Variants in MINDY2 observed in about 807,000 individuals in gnomAD.
MINDY2 encodes the protein MINDY lysine 48 deubiquitinase 2, also known as ubiquitin carboxyl-terminal hydrolase MINDY-2.
MINDY2 carries 52 observed loss-of-function variants against 68.2 expected under a neutral mutation model. The observed-to-expected ratio is 0.76, with a 90% CI of 0.61 to 0.96. The LOEUF is 0.96. MINDY2 is among the 40% of genes least tolerant of loss of function. The pLI is 0.00. For synonymous variants in MINDY2, 372 were observed against 303.0 expected, an observed-to-expected ratio of 1.23 and a Z score of -2.36; for missense variants, 881 against 773.4, an observed-to-expected ratio of 1.14 and a Z score of -1.65.
intron 3 of MINDY2, among the ~76,000 whole-genome samples, chr15:58,803,193 G>C (rs1448798281): frequency 2.0e-5 from 3 of 152,096 alleles, no homozygotes; most frequent in Admixed American, 6.6e-5. Context: ...TTGGCTGGGC[G>C]TGGTGGCTCA....
At chr15:58,786,399 T>G (rs1444695478) in intron 1 of MINDY2, among the ~76,000 whole-genome samples, 1 of 152,226 alleles carries the variant, frequency 6.6e-6, no homozygotes, top group Non-Finnish European at 1.5e-5. Flanking sequence ...TCCTAGTCTA[T>G]AAATATATCC....
Position 58,828,156 on chromosome 15 carries a change from C to CA in MINDY2, c.1226-3604dup, listed in dbSNP as rs779627832. Among the ~76,000 whole-genome samples the CA allele has an allele frequency of 6.3e-3, 790 of 125,308 alleles. 6 individuals carry two copies. The highest frequency in any genetic ancestry group is 0.013 in the Middle Eastern group (3 of 232). 82.2% of individuals were successfully genotyped at this position (125,308 alleles called of 152,430 possible). A position where few individuals can be genotyped will look rare whatever the true frequency, so the allele number is the denominator to read the frequency against. On this transcript the variant is annotated intron_variant, in intron 5 of 8. Transcript: ENST00000559228. ...CTGGAAACGGAGTGAGACTCCATCTCAAAAAAAAAAAAAATCATATGAGCT... is the reference window on the plus strand; with the variant it reads ...CTGGAAACGGAGTGAGACTCCATCTCAAAAAAAAAAAAAAATCATATGAGCT...
chr15:58,810,146 A>G, intron 3 of MINDY2, 84 bp from the exon 4 acceptor site: 1 of 1,215,462 alleles, frequency 8.2e-7, no homozygotes. Context: ...GGAAAATTAA[A>G]AGTAAATGTG....
intron 6 of MINDY2, among the ~76,000 whole-genome samples, chr15:58,838,308 G>T (rs2032103235): frequency 6.6e-6 from 1 of 151,904 alleles, no homozygotes; most frequent in Non-Finnish European, 1.5e-5. Context: ...TGAGACAGGA[G>T]AATCGCTTGA....
chr15:58,850,640 A>G (rs539489941), intron 7 of MINDY2, among the ~76,000 whole-genome samples: 50 of 152,262 alleles, frequency 3.3e-4, no homozygotes, highest in African/African-American at 1.2e-3. Flanking sequence ...CTACAGTGCA[A>G]TGGTGTGATC....
intron 2 of MINDY2, among the ~76,000 whole-genome samples, chr15:58,795,743 T>G (rs1902241253): frequency 6.6e-6 from 1 of 151,748 alleles, no homozygotes; most frequent in Admixed American, 6.6e-5. Flanking sequence ...CTTTGAAGGC[T>G]ATAAACCATT....
chr15:58,844,610 T>C (rs77894675), intron 6 of MINDY2, among the ~76,000 whole-genome samples: 4,777 of 142,870 alleles, frequency 0.033, 201 homozygotes, highest in East Asian at 0.23. Context: ...GAACCAGTTA[T>C]AGTTTTTTTA....
At position 58,855,648 on chromosome 15, in the gene MINDY2, C is replaced by T. The variant is rs1293305294; in HGVS notation, c.*1038C>T. ...AATAAAAATCTGAAAGGGCCGGGCG[C>T]AGTGGCTCACGCCTGTAATCCCAAC... is the stretch of plus-strand genomic sequence containing the variant. On this transcript the variant is annotated 3_prime_UTR_variant, in exon 9 of 9. Transcript: ENST00000559228. The T allele has an allele frequency of 6.6e-6, 1 of 152,504 alleles. No individual in the cohort carries two copies. Among genetic ancestry groups the T allele is most frequent in the East Asian group, 1.9e-4 (1 of 5,198 alleles). 9.4% of individuals were successfully genotyped at this position (152,504 alleles called of 1,614,324 possible). A position where few individuals can be genotyped will look rare whatever the true frequency, so the allele number is the denominator to read the frequency against.
At chr15:58,799,965 G>A (rs1902531801) in intron 2 of MINDY2, among the ~76,000 whole-genome samples, 1 of 152,178 alleles carries the variant, frequency 6.6e-6, no homozygotes, top group Admixed American at 6.5e-5. Context: ...ACTGGCGGGG[G>A]CGCATAGTTA....
intron 8 of MINDY2, among the ~76,000 whole-genome samples, chr15:58,852,718 C>A (rs2032883412): frequency 6.6e-6 from 1 of 152,002 alleles, no homozygotes; most frequent in African/African-American, 2.4e-5. Context: ...TTGTGAAGAA[C>A]AAATAATATT....
intron 6 of MINDY2, 94 bp from the exon 7 acceptor site, chr15:58,847,203 T>A: frequency 1.0e-6 from 1 of 961,634 alleles, no homozygotes; most frequent in Non-Finnish European, 1.5e-6. Flanking sequence ...TTTAATATAT[T>A]CTGAAGATAC....
At chr15:58,838,099 GAT>G (rs1247391769) in intron 6 of MINDY2, among the ~76,000 whole-genome samples, 56 of 151,242 alleles carry the variant, frequency 3.7e-4, no homozygotes, top group African/African-American at 1.2e-3. Flanking sequence ...CAGAATTCAA[GAT>G]ATACTTTCAG....
intron 7 of MINDY2, among the ~76,000 whole-genome samples, chr15:58,851,028 C>T (rs1460815084): frequency 1.3e-5 from 2 of 152,072 alleles, no homozygotes; most frequent in East Asian, 1.9e-4. Context: ...GGCTGGAGCG[C>T]AGTGGCGTGA....
chr15:58,816,983 A>G (rs999623744), intron 4 of MINDY2, among the ~76,000 whole-genome samples: 7 of 152,202 alleles, frequency 4.6e-5, no homozygotes, highest in Admixed American at 1.3e-4. Context: ...GGAGGGGGAA[A>G]AAAAAGTTTA....
At chr15:58,810,640 C>T (rs1335795102) in intron 4 of MINDY2, among the ~76,000 whole-genome samples, 2 of 152,172 alleles carry the variant, frequency 1.3e-5, no homozygotes, top group African/African-American at 4.8e-5. Context: ...ACCCGTACTT[C>T]TCACACCAAT....
chr15:58,860,088 T>A lies in MINDY2; in HGVS notation c.*5478T>A, dbSNP rs1324975817. 1.3e-5 allele frequency: 2 copies of A among 152,236 alleles called. No homozygotes were observed. The highest frequency in any genetic ancestry group is 2.9e-5 in the Non-Finnish European group (2 of 68,034). 9.4% of individuals were successfully genotyped at this position (152,236 alleles called of 1,614,324 possible). Reference sequence around the variant, plus strand: ...TTAAGTCTCTCTTTATCTGATATTCTAAGGATTTCTTCAAACTACTTAATA... The same window carrying A: ...TTAAGTCTCTCTTTATCTGATATTCAAAGGATTTCTTCAAACTACTTAATA... On this transcript the variant is annotated 3_prime_UTR_variant, in exon 9 of 9. Transcript: ENST00000559228.
At chr15:58,846,590 C>T (rs1309063920) in intron 6 of MINDY2, among the ~76,000 whole-genome samples, 21 of 83,450 alleles carry the variant, frequency 2.5e-4, no homozygotes, top group African/African-American at 6.7e-4. Context: ...CAAAGTGAGA[C>T]TCCTCAAAAA....
intron 1 of MINDY2, among the ~76,000 whole-genome samples, chr15:58,779,809 A>G (rs116574240): frequency 2.6e-3 from 400 of 152,276 alleles, no homozygotes; most frequent in African/African-American, 9.1e-3. Flanking sequence ...CGCCAGTAGG[A>G]GTTGCCCTCT....
At chr15:58,820,146 G>A (rs530699773) in intron 4 of MINDY2, among the ~76,000 whole-genome samples, 1 of 152,180 alleles carries the variant, frequency 6.6e-6, no homozygotes, top group Non-Finnish European at 1.5e-5. Context: ...TGCACCTGTA[G>A]TCTCAGCTAC....
Sources: allele counts gnomAD v4.1 joint callset (sites outside exome capture counted in the v4.1 genomes callset), GRCh38; gene constraint gnomAD v4.1.1; transcripts MANE v1.5; gene names NCBI Gene and HGNC (gene_info 2026-07-23, HGNC 2026-07-21).